POC1B: variants seen among roughly 807,000 people sequenced by gnomAD.
POC1B encodes POC1 centriolar protein homolog B.
Under a neutral mutation model 60.6 loss-of-function variants are expected in POC1B, and 44 were observed. The observed-to-expected ratio is 0.73, with a 90% CI of 0.57 to 0.93. POC1B has a LOEUF of 0.93. POC1B is among the 40% of genes least tolerant of loss of function. The pLI is 0.00. For synonymous variants in POC1B, 180 were observed against 198.9 expected (o/e 0.90, Z 0.80); for missense variants, 555 against 572.3 (o/e 0.97, Z 0.31).
At chr12:89,415,223 C>A (rs947688498), downstream of POC1B, among the ~76,000 whole-genome samples, 4 of 152,234 alleles carry the variant, frequency 2.6e-5, no homozygotes, top group East Asian at 7.7e-4. Flanking sequence ...ATGCAACATT[C>A]GCTTTGAATT....
At chr12:89,446,082 A>C (rs1881773668) in intron 10 of POC1B, among the ~76,000 whole-genome samples, 1 of 152,238 alleles carries the variant, frequency 6.6e-6, no homozygotes, top group Non-Finnish European at 1.5e-5. Flanking sequence ...TAGAATGGCG[A>C]TCATTAAAAA....
At chr12:89,523,026 C>T (rs1167909017) in intron 2 of POC1B, 3 of 1,613,500 alleles carry the variant, frequency 1.9e-6, no homozygotes, top group Non-Finnish European at 2.5e-6. Flanking sequence ...AATTTTTTTG[C>T]TCAGGTACCT....
At chr12:89,450,848 CTATG>C (rs1350306049) in intron 10 of POC1B, among the ~76,000 whole-genome samples, 1 of 152,052 alleles carries the variant, frequency 6.6e-6, no homozygotes, top group Non-Finnish European at 1.5e-5. Context: ...GGATGATTTA[CTATG>C]TATCACTCAG....
chr12:89,480,153 T>C (rs1181897790), intron 4 of POC1B, among the ~76,000 whole-genome samples: 1 of 152,028 alleles, frequency 6.6e-6, no homozygotes, highest in Admixed American at 6.6e-5. Context: ...TTTTTTTTTT[T>C]TGAGACAAGG....
intron 2 of POC1B, among the ~76,000 whole-genome samples, chr12:89,508,178 A>G (rs1279813776): frequency 2.0e-5 from 3 of 152,148 alleles, no homozygotes; most frequent in African/African-American, 7.2e-5. Flanking sequence ...TATTCTTGCT[A>G]TTCTGCATTT....
At chr12:89,510,799 C>T (rs1870143185) in intron 2 of POC1B, among the ~76,000 whole-genome samples, 1 of 139,840 alleles carries the variant, frequency 7.2e-6, no homozygotes, top group South Asian at 2.3e-4. Context: ...ATTCTGTCGC[C>T]CAGGCTAGAA....
chr12:89,524,700 A>G lies in POC1B; in HGVS notation c.100+420T>C. The G allele has an allele frequency of 5.0e-6, 4 of 800,932 alleles. No individual in the cohort carries two copies. In the African/African-American group the frequency reaches 5.2e-5, roughly 10 times the overall value. 49.6% of individuals were successfully genotyped at this position (800,932 alleles called of 1,614,324 possible). Reference sequence around the variant, plus strand: ...TCCTTTCCAGCCACCCAGGCTTTCCAGGGGTCACCTGAGCCCTCTCGGTCC... The same window carrying G: ...TCCTTTCCAGCCACCCAGGCTTTCCGGGGGTCACCTGAGCCCTCTCGGTCC... On this transcript the variant is annotated intron_variant, in intron 2 of 11. Transcript: ENST00000313546.
Position 89,525,897 on chromosome 12 carries a change from G to A in POC1B, c.-2C>T. 3 of 1,476,520 alleles carry A rather than the reference G, an allele frequency of 2.0e-6. No individual in the cohort carries two copies. The African/African-American group carries it at 4.2e-5, about 21-fold the overall frequency. 91.5% of individuals were successfully genotyped at this position (1,476,520 alleles called of 1,614,324 possible). On this transcript the variant is annotated 5_prime_UTR_variant, in exon 1 of 12. Transcript: ENST00000313546. The stretch of plus-strand genomic sequence containing the variant: ...CGTCCTTACCGTGGCTGAGGCCATC[G>A]GGGGAGTGGTCGGCCCAAGGCTCCT...
chr12:89,497,411 G>C, intron 2 of POC1B, 69 bp from the exon 3 acceptor site: 2 of 1,467,040 alleles, frequency 1.4e-6, no homozygotes, highest in East Asian at 2.3e-5. Flanking sequence ...TCATTACAAT[G>C]AGCAGCATAT....
chr12:89,514,398 A>ATTTT (rs1592641848), intron 2 of POC1B, among the ~76,000 whole-genome samples: 5 of 37,888 alleles, frequency 1.3e-4, no homozygotes, highest in Admixed American at 2.6e-4. Context: ...AGTTTCATGT[A>ATTTT]TTTCTTTTTT....
intron 3 of POC1B, among the ~76,000 whole-genome samples, chr12:89,493,552 A>G (rs1158787786): frequency 6.6e-6 from 1 of 152,222 alleles, no homozygotes; most frequent in Non-Finnish European, 1.5e-5. Context: ...ATTAGGAGGG[A>G]GCATCCAGGG....
chr12:89,458,269 T>A (rs1244880165), intron 10 of POC1B, among the ~76,000 whole-genome samples: 1 of 152,220 alleles, frequency 6.6e-6, no homozygotes, highest in Non-Finnish European at 1.5e-5. Context: ...TTCTACAACA[T>A]GCATTTGGAG....
downstream of POC1B, among the ~76,000 whole-genome samples, chr12:89,416,610 G>A (rs1428740908): frequency 6.6e-6 from 1 of 152,150 alleles, no homozygotes; most frequent in Non-Finnish European, 1.5e-5. Flanking sequence ...GCAGTGGAGG[G>A]GGATGGAGAC....
chr12:89,440,441 T>C (rs1881462148), intron 10 of POC1B, among the ~76,000 whole-genome samples: 2 of 152,148 alleles, frequency 1.3e-5, no homozygotes, highest in Non-Finnish European at 2.9e-5. Context: ...GATCCAAATA[T>C]CCCACCTTGG....
downstream of POC1B, among the ~76,000 whole-genome samples, chr12:89,414,775 A>C (rs1394282255): frequency 6.6e-6 from 1 of 152,046 alleles, no homozygotes; most frequent in Non-Finnish European, 1.5e-5. Flanking sequence ...TTTTTGTCTC[A>C]GCAGCCAACT....
At chr12:89,462,049 C>T (rs180857730) in intron 9 of POC1B, among the ~76,000 whole-genome samples, 45 of 152,062 alleles carry the variant, frequency 3.0e-4, no homozygotes, top group South Asian at 2.1e-3. Context: ...ATCTAAATCA[C>T]GTAGAGTCAG....
the POC1B span, among the ~76,000 whole-genome samples, chr12:89,402,243 C>A: frequency 6.6e-6 from 1 of 152,046 alleles, no homozygotes; most frequent in Non-Finnish European, 1.5e-5. Context: ...CACAGCTATT[C>A]TGCTATTGTC....
At chr12:89,414,037 G>T in the POC1B span, among the ~76,000 whole-genome samples, 1 of 152,086 alleles carries the variant, frequency 6.6e-6, no homozygotes, top group East Asian at 1.9e-4. Flanking sequence ...GATTACAGGC[G>T]CCCATCATCA....
intron 10 of POC1B, among the ~76,000 whole-genome samples, chr12:89,456,065 G>A (rs536899839): frequency 6.6e-6 from 1 of 151,964 alleles, no homozygotes; most frequent in Non-Finnish European, 1.5e-5. Context: ...GAGTCTCCCA[G>A]GCTGGAGTGC....
Sources: gnomAD v4.1 joint callset for allele counts (sites outside exome capture counted in the v4.1 genomes callset) on GRCh38, gnomAD v4.1.1 for gene constraint, MANE v1.5 for transcripts, NCBI Gene and HGNC (gene_info 2026-07-23, HGNC 2026-07-21) for gene names.